Variants in NYAP2 observed in about 807,000 individuals in gnomAD.
NYAP2 encodes the protein neuronal tyrosine-phosphorylated phosphoinositide-3-kinase adaptor 2.
Under a neutral mutation model 50.4 loss-of-function variants are expected in NYAP2, and 23 were observed. The ratio of observed to expected loss-of-function variants is 0.46; its 90% CI spans 0.33 to 0.65. NYAP2 has a LOEUF of 0.65. Ranked by LOEUF, NYAP2 falls within the 30% of genes least tolerant of loss-of-function variation. The probability of loss-of-function intolerance (pLI) is 0.02; values close to 1 mark genes in which losing one functional copy is unlikely to be tolerated. For synonymous variants in NYAP2, 394 were observed against 365.2 expected (o/e 1.08, Z -0.90); for missense variants, 885 against 861.0 (o/e 1.03, Z -0.35).
At chr2:225,536,941 G>A (rs913491860) in intron 4 of NYAP2, among the ~76,000 whole-genome samples, 10 of 151,806 alleles carry the variant, frequency 6.6e-5, no homozygotes, top group Admixed American at 6.6e-5. Context: ...ACCACGCCCG[G>A]CTTTTTTATA....
At chr2:225,569,196 G>T (rs893799437) in intron 4 of NYAP2, among the ~76,000 whole-genome samples, 1 of 152,178 alleles carries the variant, frequency 6.6e-6, no homozygotes, top group Non-Finnish European at 1.5e-5. Flanking sequence ...GATTACCTTT[G>T]AGATACTGAA....
chr2:225,438,082 C>T (rs1347441268), intron 3 of NYAP2, among the ~76,000 whole-genome samples: 3 of 152,012 alleles, frequency 2.0e-5, no homozygotes, highest in African/African-American at 7.3e-5. Flanking sequence ...GATTGTTTTC[C>T]TGTTACAAGG....
intron 3 of NYAP2, among the ~76,000 whole-genome samples, chr2:225,469,841 G>T (rs111484986): frequency 0.06 from 9,105 of 152,118 alleles, 370 homozygotes; most frequent in Non-Finnish European, 0.089. Flanking sequence ...CACACACTGT[G>T]ACCTGTCGGG....
chr2:225,440,572 A>T lies in NYAP2; in HGVS notation c.221+31471A>T, dbSNP rs1689453356. Among the ~76,000 whole-genome samples, 3 of 152,210 alleles carry T rather than the reference A, an allele frequency of 2.0e-5. No homozygotes were observed. The South Asian group carries it at 6.2e-4, about 32-fold the overall frequency. ...TTCGTTAATGTAAAACATGGGTTAGAGAGGGCAGAGTAAAAAGACTTAAGA... is the reference window on the plus strand; with the variant it reads ...TTCGTTAATGTAAAACATGGGTTAGTGAGGGCAGAGTAAAAAGACTTAAGA... On this transcript the variant is annotated intron_variant, in intron 3 of 6. Transcript: ENST00000636099.
In NYAP2 at chr2:225,520,529, A is replaced by T. The variant is rs569079932; in HGVS notation, c.523+6857A>T. ...TCCTGGCACCATTTATTAAATAGGG[A>T]ATCCTTTCCCCATTGCTTGTTTTTC... is the stretch of plus-strand genomic sequence containing the variant. On this transcript the variant is annotated intron_variant, in intron 4 of 6. Coordinates refer to ENST00000636099, the Ensembl canonical transcript of NYAP2. Among the ~76,000 whole-genome samples, 40 of 152,308 alleles carry T rather than the reference A, an allele frequency of 2.6e-4. No individual in the cohort carries two copies. In the East Asian group the frequency reaches 7.5e-3, roughly 29 times the overall value.
chr2:225,591,739 A>G (rs936460598), intron 5 of NYAP2, among the ~76,000 whole-genome samples: 3 of 152,170 alleles, frequency 2.0e-5, no homozygotes, highest in East Asian at 3.8e-4. Context: ...CTTCGATTTA[A>G]TGATACCTTA....
chr2:225,628,598 C>T (rs1216352435), intron 6 of NYAP2, among the ~76,000 whole-genome samples: 1 of 152,120 alleles, frequency 6.6e-6, no homozygotes, highest in East Asian at 1.9e-4. Context: ...GCTAGGATTA[C>T]AGGCTTGAGC....
chr2:225,485,816 G>A (rs1292988880), intron 3 of NYAP2, among the ~76,000 whole-genome samples: 2 of 152,178 alleles, frequency 1.3e-5, no homozygotes, highest in East Asian at 1.9e-4. Context: ...GAAGCCCTTA[G>A]GTCAAGGTTT....
exon 5 of NYAP2, chr2:225,583,013 G>C: frequency 1.2e-6 from 2 of 1,611,596 alleles, no homozygotes; most frequent in Non-Finnish European, 1.7e-6. Flanking sequence ...CCAGTGGCCG[G>C]CGCTCCAAAG....
At chr2:225,627,450 G>A (rs1282560578) in intron 6 of NYAP2, among the ~76,000 whole-genome samples, 1 of 152,090 alleles carries the variant, frequency 6.6e-6, no homozygotes, top group African/African-American at 2.4e-5. Context: ...TTTAACTTGC[G>A]AAGTTTGAGT....
chr2:225,402,780 G>A (rs1317987610), intron 2 of NYAP2, among the ~76,000 whole-genome samples: 1 of 151,988 alleles, frequency 6.6e-6, no homozygotes, highest in Non-Finnish European at 1.5e-5. Context: ...ATGAGAAAAT[G>A]AGTGTGACCA....
intron 3 of NYAP2, among the ~76,000 whole-genome samples, chr2:225,499,869 G>C (rs1690574079): frequency 6.6e-6 from 1 of 152,156 alleles, no homozygotes; most frequent in African/African-American, 2.4e-5. Flanking sequence ...AAGGAGAAAG[G>C]GAGGGATAGA....
At chr2:225,667,670 G>A in the NYAP2 span, among the ~76,000 whole-genome samples, 1 of 152,144 alleles carries the variant, frequency 6.6e-6, no homozygotes, top group African/African-American at 2.4e-5. Context: ...GATTGTAGAA[G>A]AGAGCCCTTC....
At chr2:225,665,792 G>C in the NYAP2 span, among the ~76,000 whole-genome samples, 5 of 100,442 alleles carry the variant, frequency 5.0e-5, no homozygotes, top group Non-Finnish European at 7.2e-5. Flanking sequence ...CTGGGCAACA[G>C]AGCAAGCCTC....
intron 4 of NYAP2, among the ~76,000 whole-genome samples, chr2:225,525,260 C>A (rs541909755): frequency 6.6e-5 from 10 of 152,226 alleles, no homozygotes; most frequent in African/African-American, 2.2e-4. Context: ...GAAACCATTT[C>A]ATCAAATGTT....
the NYAP2 span, among the ~76,000 whole-genome samples, chr2:225,683,086 T>C: frequency 6.6e-6 from 1 of 152,186 alleles, no homozygotes; most frequent in African/African-American, 2.4e-5. Flanking sequence ...CTTTGGAGCA[T>C]ACAACTGAAA....
At chr2:225,575,088 T>C (rs1692148462) in intron 4 of NYAP2, among the ~76,000 whole-genome samples, 1 of 152,176 alleles carries the variant, frequency 6.6e-6, no homozygotes, top group Non-Finnish European at 1.5e-5. Flanking sequence ...TTTCATCTTC[T>C]TCCAGAACTC....
intron 3 of NYAP2, among the ~76,000 whole-genome samples, chr2:225,500,360 CAG>C (rs1690583879): frequency 6.6e-6 from 1 of 152,138 alleles, no homozygotes; most frequent in Non-Finnish European, 1.5e-5. Flanking sequence ...AAAGATGAAA[CAG>C]TGTTTTATTT....
rs150427176 is a variant in NYAP2 at position 225,619,861 on chromosome 2, AAT to A, written c.1619-7054_1619-7053del. Among the ~76,000 whole-genome samples the A allele has an allele frequency of 3.3e-3, 508 of 152,354 alleles. 6 individuals carry two copies. The highest frequency in any genetic ancestry group is 0.012 in the African/African-American group (486 of 41,576). On this transcript the variant is annotated intron_variant, in intron 5 of 6. Transcript: ENST00000636099. ...ATGATATACAAAACACCCAGTCTGAAATACAAATATAATAAAATAATACATCC... is the reference window on the plus strand; with the variant it reads ...ATGATATACAAAACACCCAGTCTGAAACAAATATAATAAAATAATACATCC...
Sources: allele counts gnomAD v4.1 joint callset (sites outside exome capture counted in the v4.1 genomes callset), GRCh38; gene constraint gnomAD v4.1.1; transcripts MANE v1.5; gene names NCBI Gene and HGNC (gene_info 2026-07-23, HGNC 2026-07-21).